Variants in TMEM45A observed in about 807,000 individuals in gnomAD.
TMEM45A encodes the protein DNA polymerase-transactivated protein 4.
In TMEM45A, 25 loss-of-function variants were observed where a neutral mutation model predicts 32.0. The ratio of observed to expected loss-of-function variants is 0.78; its 90% CI spans 0.57 to 1.09. The LOEUF (loss-of-function observed/expected upper bound fraction) is 1.09, where lower values mean the gene tolerates loss of function less well. Ranked by LOEUF, TMEM45A falls within the 50% of genes least tolerant of loss-of-function variation. TMEM45A has a pLI of 0.00. For missense variants in TMEM45A, 302 were observed against 325.0 expected, an observed-to-expected ratio of 0.93 and a Z score of 0.54; for synonymous variants, 122 against 114.8, an observed-to-expected ratio of 1.06 and a Z score of -0.40.
intron 1 of TMEM45A, among the ~76,000 whole-genome samples, chr3:100,516,398 G>A (rs1372148158): frequency 6.6e-6 from 1 of 152,192 alleles, no homozygotes; most frequent in Non-Finnish European, 1.5e-5. Context: ...GTGAATTGAT[G>A]AAACTGCTTC....
At chr3:100,522,585 CAG>C (rs1403201458) in intron 1 of TMEM45A, among the ~76,000 whole-genome samples, 12 of 152,186 alleles carry the variant, frequency 7.9e-5, no homozygotes, top group African/African-American at 2.9e-4. Context: ...TTTCATGTCA[CAG>C]TATACATGGA....
chr3:100,550,956 C>G (rs1486904649), intron 1 of TMEM45A, among the ~76,000 whole-genome samples: 3 of 150,556 alleles, frequency 2.0e-5, no homozygotes, highest in Non-Finnish European at 4.4e-5. Flanking sequence ...ATGAATCACA[C>G]TGGAAACCAA....
chr3:100,493,120 C>CTTTTTTTTT (rs570241165), intron 1 of TMEM45A, among the ~76,000 whole-genome samples, 192 bp downstream of exon 1: 12 of 115,898 alleles, frequency 1.0e-4, no homozygotes, highest in Non-Finnish European at 1.6e-4. Context: ...GTTTGCTATT[C>CTTTTTTTTT]TTTTTTTTTT....
chr3:100,537,611 CAGAA>C (rs1419470694), intron 1 of TMEM45A, among the ~76,000 whole-genome samples: 1 of 152,030 alleles, frequency 6.6e-6, no homozygotes, highest in Non-Finnish European at 1.5e-5. Context: ...GGGCAGAAGA[CAGAA>C]AGGAGAGAGA....
intron 5 of TMEM45A, chr3:100,570,858 T>A (rs972212155): frequency 1.2e-4 from 19 of 152,246 alleles, no homozygotes; most frequent in African/African-American, 4.6e-4. Context: ...TCCTAATCTT[T>A]GTGACCATGC....
chr3:100,509,734 A>ACAGTGGGTGCAGGT (rs1319726668), intron 1 of TMEM45A, among the ~76,000 whole-genome samples: 1 of 152,154 alleles, frequency 6.6e-6, no homozygotes, highest in African/African-American at 2.4e-5. Context: ...GGAGTGCCAG[A>ACAGTGGGTGCAGGT]CAGTGGGTGC....
At position 100,498,524 on chromosome 3, in the gene TMEM45A, G is replaced by A. The variant is rs78647580; in HGVS notation, c.-4+5596G>A. ...TACCCTGTAGGTTTTGGACTTGCTA[G>A]CCTTCACAATTGTGTGAACCAATTC... On this transcript the variant is annotated intron_variant, in intron 1 of 5. Coordinates refer to ENST00000323523, the MANE Select transcript of TMEM45A (RefSeq NM_018004.3). Among the ~76,000 whole-genome samples the A allele has an allele frequency of 8.0e-3, 1,211 of 152,266 alleles. 18 individuals are homozygous for A. The highest frequency in any genetic ancestry group is 0.028 in the African/African-American group (1,151 of 41,552).
rs114082842 is a variant in TMEM45A at position 100,516,555 on chromosome 3, G to A, written c.-4+23627G>A. 9.1e-3 allele frequency among the ~76,000 whole-genome samples: 1,387 copies of A among 152,174 alleles called. 24 individuals are homozygous for A. The highest frequency in any genetic ancestry group is 0.032 in the African/African-American group (1,314 of 41,510). ...ACCTCCATCGCAGTCTTATTCCCAC[G>A]TCCTCACTTTTTTCTCTTCCCTTTA... On this transcript the variant is annotated intron_variant, in intron 1 of 5. Transcript: ENST00000323523.
chr3:100,542,771 A>G (rs1705911322), intron 1 of TMEM45A, among the ~76,000 whole-genome samples: 1 of 152,196 alleles, frequency 6.6e-6, no homozygotes, highest in Admixed American at 6.6e-5. Context: ...ATCCTAGGTG[A>G]ATTAACATAG....
chr3:100,516,210 C>A (rs1170306987), intron 1 of TMEM45A, among the ~76,000 whole-genome samples: 1 of 152,134 alleles, frequency 6.6e-6, no homozygotes, highest in Non-Finnish European at 1.5e-5. Context: ...CTGCCATACT[C>A]CTGGACATGA....
intron 3 of TMEM45A, among the ~76,000 whole-genome samples, chr3:100,558,170 T>C (rs1011068308): frequency 6.6e-6 from 1 of 152,154 alleles, no homozygotes; most frequent in African/African-American, 2.4e-5. Context: ...TGTCACAATG[T>C]GTTAGAGAGA....
At chr3:100,540,935 T>TC (rs1213112760) in intron 1 of TMEM45A, among the ~76,000 whole-genome samples, 1 of 152,224 alleles carries the variant, frequency 6.6e-6, no homozygotes, top group Non-Finnish European at 1.5e-5. Flanking sequence ...TAATTTACAT[T>TC]CCCACCAGCA....
intron 3 of TMEM45A, among the ~76,000 whole-genome samples, chr3:100,557,943 AG>A (rs1260922437): frequency 6.6e-6 from 1 of 152,216 alleles, no homozygotes; most frequent in Non-Finnish European, 1.5e-5. Flanking sequence ...GAATTCCTTA[AG>A]GCGATGCTTT....
At chr3:100,571,889 G>A (rs1244319947) in intron 5 of TMEM45A, 1 of 152,146 alleles carries the variant, frequency 6.6e-6, no homozygotes, top group Non-Finnish European at 1.5e-5. Context: ...TGAGAATGAT[G>A]GTTTCCAGTT....
At chr3:100,525,255 G>A (rs758215013) in intron 1 of TMEM45A, among the ~76,000 whole-genome samples, 1 of 151,936 alleles carries the variant, frequency 6.6e-6, no homozygotes, top group Non-Finnish European at 1.5e-5. Flanking sequence ...TTTCTATTGA[G>A]CACATATTTA....
At chr3:100,528,096 A>G (rs755568209) in intron 1 of TMEM45A, among the ~76,000 whole-genome samples, 12 of 152,234 alleles carry the variant, frequency 7.9e-5, no homozygotes, top group Non-Finnish European at 1.5e-4. Flanking sequence ...TGTGAAATTT[A>G]AATTTCACTG....
intron 1 of TMEM45A, among the ~76,000 whole-genome samples, chr3:100,553,915 C>T (rs1354883380): frequency 2.6e-5 from 4 of 152,048 alleles, no homozygotes; most frequent in Non-Finnish European, 5.9e-5. Flanking sequence ...CAGGTTTCCC[C>T]CTGAGTTTCA....
At chr3:100,553,429 C>A (rs1230340969) in intron 1 of TMEM45A, among the ~76,000 whole-genome samples, 1 of 152,118 alleles carries the variant, frequency 6.6e-6, no homozygotes, top group Non-Finnish European at 1.5e-5. Context: ...AGATAAATCC[C>A]TGCAAGTGGG....
At chr3:100,519,367 G>A (rs564529963) in intron 1 of TMEM45A, 1 of 578,680 alleles carries the variant, frequency 1.7e-6, no homozygotes, top group East Asian at 2.8e-5. Context: ...CATGCATACA[G>A]GTTGTGTGTG....
Sources: gnomAD v4.1 joint callset for allele counts (sites outside exome capture counted in the v4.1 genomes callset) on GRCh38, gnomAD v4.1.1 for gene constraint, MANE v1.5 for transcripts, NCBI Gene and HGNC (gene_info 2026-07-23, HGNC 2026-07-21) for gene names.